Variants in ZNF704 observed in about 807,000 individuals in gnomAD.
ZNF704 encodes zinc finger protein 704.
In ZNF704, 10 loss-of-function variants were observed where a neutral mutation model predicts 44.7. The ratio of observed to expected loss-of-function variants is 0.22; its 90% CI spans 0.14 to 0.38. ZNF704 has a LOEUF of 0.38. Ranked by LOEUF, ZNF704 falls within the 10% of genes least tolerant of loss-of-function variation. The pLI is 1.00. For missense variants in ZNF704, 390 were observed against 545.5 expected (o/e 0.71, Z 2.84); for synonymous variants, 211 against 207.6 (o/e 1.02, Z -0.14).
At chr8:80,832,594 A>G (rs938455542) in intron 1 of ZNF704, among the ~76,000 whole-genome samples, 1 of 152,190 alleles carries the variant, frequency 6.6e-6, no homozygotes, top group Non-Finnish European at 1.5e-5. Context: ...GGCTCCGGAG[A>G]TTAACAACAT....
intron 2 of ZNF704, among the ~76,000 whole-genome samples, chr8:80,727,202 A>C (rs1237924207): frequency 6.6e-6 from 1 of 152,222 alleles, no homozygotes; most frequent in Non-Finnish European, 1.5e-5. Context: ...TACATATTAT[A>C]ATGAAAAGAA....
At chr8:80,846,821 A>G (rs1443549161) in intron 1 of ZNF704, among the ~76,000 whole-genome samples, 1 of 152,220 alleles carries the variant, frequency 6.6e-6, no homozygotes, top group Non-Finnish European at 1.5e-5. Flanking sequence ...AGATCAACAT[A>G]CAAAAAACAG....
intron 7 of ZNF704, among the ~76,000 whole-genome samples, chr8:80,657,558 T>C (rs1043109038): frequency 1.3e-5 from 2 of 152,032 alleles, no homozygotes; most frequent in Non-Finnish European, 2.9e-5. Context: ...CCAGGTGTGA[T>C]GGTGTGCTTC....
rs1220775414 is a variant in ZNF704, at chr8:80,638,305, A to G, written c.*3061T>C. On this transcript the variant is annotated 3_prime_UTR_variant, in exon 9 of 9. Transcript: ENST00000327835. ...AAGGCTGGGGTGTCAAAGGATAAAA[A>G]AAAAATCAAAAGGCTACATCATGCC... is the stretch of plus-strand genomic sequence containing the variant. The G allele has an allele frequency of 6.6e-6, 1 of 152,256 alleles. No individual in the cohort carries two copies. Among genetic ancestry groups the G allele is most frequent in the East Asian group, 1.9e-4 (1 of 5,186 alleles). 9.4% of individuals were successfully genotyped at this position (152,256 alleles called of 1,614,324 possible).
intron 2 of ZNF704, among the ~76,000 whole-genome samples, chr8:80,747,347 G>T (rs978499886): frequency 6.6e-6 from 1 of 151,868 alleles, no homozygotes; most frequent in South Asian, 2.1e-4. Context: ...TATGGGACTT[G>T]AATATAGTTT....
intron 2 of ZNF704, among the ~76,000 whole-genome samples, chr8:80,695,491 C>A (rs1295799350): frequency 6.6e-6 from 1 of 152,124 alleles, no homozygotes; most frequent in East Asian, 1.9e-4. Context: ...GGAGAGGGTC[C>A]CCTCGCCCCC....
intron 2 of ZNF704, among the ~76,000 whole-genome samples, chr8:80,782,684 A>C (rs1266677460): frequency 6.6e-6 from 1 of 152,128 alleles, no homozygotes; most frequent in Non-Finnish European, 1.5e-5. Flanking sequence ...AAAGAGCCTG[A>C]AAAAAGGGTT....
At chr8:80,878,257 GAA>G (rs1809384506), upstream of ZNF704, among the ~76,000 whole-genome samples, 1 of 19,420 alleles carries the variant, frequency 5.1e-5, no homozygotes, top group Admixed American at 7.0e-4. Flanking sequence ...AGAAAGAAAG[GAA>G]GGAAGGAAGG....
Position 80,635,291 on chromosome 8 carries a change from G to A in ZNF704, c.*6075C>T, listed in dbSNP as rs1314314733. 6.6e-6 allele frequency: 1 copy of A among 152,184 alleles called. No individual in the cohort carries two copies. Among genetic ancestry groups the A allele is most frequent in the African/African-American group, 2.4e-5 (1 of 41,440 alleles). The allele number at this position is 152,184 out of a possible 1,614,324, so 9.4% of individuals were successfully genotyped here. On this transcript the variant is annotated 3_prime_UTR_variant, in exon 9 of 9. Coordinates refer to ENST00000327835, the MANE Select transcript of ZNF704 (RefSeq NM_001033723.3). Reference sequence around the variant, plus strand: ...AATAAACTCTTCACAACTCCCCTCTGTTTCCTGGTTCTTGGGAACTCAGTC... The same window carrying A: ...AATAAACTCTTCACAACTCCCCTCTATTTCCTGGTTCTTGGGAACTCAGTC...
intron 2 of ZNF704, among the ~76,000 whole-genome samples, chr8:80,736,829 C>A (rs1043324883): frequency 6.6e-6 from 1 of 152,026 alleles, no homozygotes; most frequent in African/African-American, 2.4e-5. Context: ...CCACCTGTTC[C>A]CCCAAAACCT....
At chr8:80,805,240 C>T (rs2129811936) in intron 2 of ZNF704, among the ~76,000 whole-genome samples, 1 of 152,290 alleles carries the variant, frequency 6.6e-6, no homozygotes, top group South Asian at 2.1e-4. Context: ...CCCTGCTTTT[C>T]CCTAGCACTT....
chr8:80,827,798 A>C (rs201275540), intron 1 of ZNF704, among the ~76,000 whole-genome samples: 2 of 152,292 alleles, frequency 1.3e-5, no homozygotes, highest in Non-Finnish European at 1.5e-5. Context: ...CTTTGACAAA[A>C]CTGACAAAAG....
At chr8:80,649,851 G>A (rs1182610182) in intron 7 of ZNF704, among the ~76,000 whole-genome samples, 7 of 152,204 alleles carry the variant, frequency 4.6e-5, no homozygotes, top group Non-Finnish European at 8.8e-5. Flanking sequence ...ATCTGAGGAC[G>A]GACAGACTGC....
Position 80,637,708 on chromosome 8 carries a change from A to C in ZNF704, c.*3658T>G, listed in dbSNP as rs1585912197. On this transcript the variant is annotated 3_prime_UTR_variant, in exon 9 of 9. Coordinates refer to ENST00000327835, the MANE Select transcript of ZNF704 (RefSeq NM_001033723.3). ...GTTATGTTCGGGCAGGAATTGTCTA[A>C]TAAAAGGGCACCTTGTTGGTGCCTG... 1.3e-5 allele frequency: 2 copies of C among 152,234 alleles called. No homozygotes were observed. The highest frequency in any genetic ancestry group is 3.8e-4 in the East Asian group (2 of 5,202). 9.4% of individuals were successfully genotyped at this position (152,234 alleles called of 1,614,324 possible).
rs188435317 is a variant in ZNF704 at position 80,731,041 on chromosome 8, C to A, written c.222-37934G>T. Among the ~76,000 whole-genome samples, 70 of 152,126 alleles carry A rather than the reference C, an allele frequency of 4.6e-4. 1 individual carries two copies. The East Asian group carries it at 0.013, about 27-fold the overall frequency. ...CCGTCTAAGAGATAATGGATTAAAC[C>A]CAATCTGATTTAAGGTAGTTATATT... is the stretch of plus-strand genomic sequence containing the variant. On this transcript the variant is annotated intron_variant, in intron 2 of 8. Coordinates refer to ENST00000327835, the MANE Select transcript of ZNF704 (RefSeq NM_001033723.3).
chr8:80,709,619 G>C (rs1818953490), intron 2 of ZNF704, among the ~76,000 whole-genome samples: 1 of 152,116 alleles, frequency 6.6e-6, no homozygotes, highest in African/African-American at 2.4e-5. Flanking sequence ...AGACCACCAG[G>C]CAGGTTTGAC....
At chr8:80,853,388 A>C (rs972947858) in intron 1 of ZNF704, among the ~76,000 whole-genome samples, 1 of 152,202 alleles carries the variant, frequency 6.6e-6, no homozygotes, top group African/African-American at 2.4e-5. Flanking sequence ...AATCTATGAA[A>C]AATGAGTTAA....
intron 2 of ZNF704, among the ~76,000 whole-genome samples, chr8:80,787,565 G>GA (rs1377954573): frequency 2.0e-5 from 3 of 152,008 alleles, no homozygotes; most frequent in Non-Finnish European, 2.9e-5. Flanking sequence ...GAATTTAAAT[G>GA]AAAAAAATAT....
intron 4 of ZNF704, 57 bp downstream of exon 4, chr8:80,687,169 G>C (rs750835920): frequency 6.7e-6 from 10 of 1,499,778 alleles, no homozygotes; most frequent in Non-Finnish European, 9.2e-6. Context: ...CCTTCAGAGG[G>C]GACAGAAAGC....
Sources: allele counts gnomAD v4.1 joint callset (sites outside exome capture counted in the v4.1 genomes callset), GRCh38; gene constraint gnomAD v4.1.1; transcripts MANE v1.5; gene names NCBI Gene and HGNC (gene_info 2026-07-23, HGNC 2026-07-21).